The following C2orf81 variants were observed in gnomAD, a reference collection of about 807,000 sequenced individuals.
The protein encoded by C2orf81 is uncharacterized protein C2orf81.
Under a neutral mutation model 7.9 loss-of-function variants are expected in C2orf81, and 5 were observed. The observed-to-expected ratio is 0.63, with a 90% CI of 0.33 to 1.33. The LOEUF (loss-of-function observed/expected upper bound fraction) is 1.33, where lower values mean the gene tolerates loss of function less well. Ranked by LOEUF, C2orf81 falls within the 40% of genes most tolerant of loss-of-function variation. The pLI, the probability that C2orf81 is intolerant of heterozygous loss-of-function variation, is 0.05. For synonymous variants in C2orf81, 346 were observed against 367.4 expected (o/e 0.94, Z 0.66); for missense variants, 781 against 830.4 (o/e 0.94, Z 0.73).
chr2:74,418,307 T>C (rs571748592), intron 1 of C2orf81: 1 of 1,607,692 alleles, frequency 6.2e-7, no homozygotes, highest in Admixed American at 1.7e-5. Context: ...CTGAGCTCCT[T>C]CTGACTCCCT....
Position 74,414,421 on chromosome 2 carries a change from A to C in C2orf81, c.1756T>G (p.Ser586Ala), listed in dbSNP as rs1676378460. Residue 586 changes from serine to alanine, a missense_variant, in exon 3 of 3, where the codon TCT (serine) becomes GCT (alanine). Transcript: ENST00000684111. This position sits in a 1 kb window ranked among gnomAD's most constrained non-coding sequence, Gnocchi z 5.3. Reference protein sequence around the residue: ...WNRSTQVLLSSGVPEQEDKEG... With the variant: ...WNRSTQVLLSAGVPEQEDKEG... ...TTGTCCTCTTGTTCAGGCACACCAGAGCTGAGCAACACCTGGGTGCTCCGG... is the reference window on the plus strand; with the variant it reads ...TTGTCCTCTTGTTCAGGCACACCAGCGCTGAGCAACACCTGGGTGCTCCGG... 1 of 1,550,354 alleles carries C rather than the reference A, an allele frequency of 6.5e-7. No individual in the cohort carries two copies.
At position 74,414,943 on chromosome 2, in the gene C2orf81, C is replaced by A; in HGVS notation, c.1234G>T (p.Glu412Ter). The A allele has an allele frequency of 6.5e-7, 1 of 1,545,844 alleles. No homozygotes were observed. The change falls in exon 3 of 3, where the codon GAG (glutamate) becomes TAG (stop). Residue 412 changes from glutamate to a stop codon, truncating the protein, a stop_gained. Transcript: ENST00000684111. LOFTEE classifies it low-confidence loss of function (END_TRUNC). This position sits in a 1 kb window ranked among gnomAD's most constrained non-coding sequence, Gnocchi z 5.3. ...LEAYRGRQRG[E>*]KTKARAEPQA... ...GGTTCGGCCCGGGCCTTGGTCTTCT[C>A]GCCCCGCTGGCGTCCGCGGTAGGCT...
Position 74,414,621 on chromosome 2 carries a change from G to A in C2orf81, c.1556C>T (p.Ala519Val), listed in dbSNP as rs990634838. ...CTGTGGAGGCACGCGGGTCCGGCCA[G>A]CCCACAGCTCGCCCAGCAGCTCGGC... The part of the protein sequence containing the change: ...GKAELLGELW[A>V]GRTRVPPQGL... The change falls in exon 3 of 3, where the codon GCT becomes GTT. Residue 519 changes from alanine (A) to valine (V), a missense_variant. Ala to Val is a moderately conservative substitution (Grantham distance 64). Coordinates refer to ENST00000684111, the MANE Select transcript of C2orf81 (RefSeq NM_001316764.3). This position sits in a 1 kb window ranked among gnomAD's most constrained non-coding sequence, Gnocchi z 5.3. 6.5e-7 allele frequency: 1 copy of A among 1,550,012 alleles called. No individual in the cohort carries two copies. The highest frequency in any genetic ancestry group is 1.2e-5 in the South Asian group (1 of 83,876).
In C2orf81 at chr2:74,415,703, G is replaced by T; in HGVS notation, c.474C>A (p.His158Gln). Reference sequence around the variant, plus strand: ...AGGAGTCCGGAGAGGCTCCTGAGGAGTGTACTTCGCCTTGGAAGTTCTCCA... The same window carrying T: ...AGGAGTCCGGAGAGGCTCCTGAGGATTGTACTTCGCCTTGGAAGTTCTCCA... The part of the protein sequence containing the change: ...EGLENFQGEV[H>Q]SSGASPDSSA... Residue 158 changes from histidine (H) to glutamine (Q), a missense_variant, in exon 3 of 3, where the codon CAC becomes CAA. By Grantham distance (24) the His-to-Gln change is conservative (BLOSUM62 0). Coordinates refer to ENST00000684111, the MANE Select transcript of C2orf81 (RefSeq NM_001316764.3). This position sits in a 1 kb window ranked among gnomAD's most constrained non-coding sequence, Gnocchi z 5.5. The T allele has an allele frequency of 6.4e-7, 1 of 1,551,584 alleles. No individual in the cohort carries two copies. Among genetic ancestry groups the T allele is most frequent in the Non-Finnish European group, 8.7e-7 (1 of 1,147,004 alleles).
chr2:74,416,081 A>G lies in C2orf81; in HGVS notation c.179T>C (p.Val60Ala), dbSNP rs1349183462. 1.9e-6 allele frequency: 3 copies of G among 1,547,308 alleles called. No individual in the cohort carries two copies. Among genetic ancestry groups the G allele is most frequent in the Non-Finnish European group, 2.6e-6 (3 of 1,145,028 alleles). The change falls in exon 2 of 3, where the codon GTA (valine) becomes GCA (alanine). Residue 60 changes from valine (V) to alanine (A), a missense_variant. Val to Ala is a moderately conservative substitution (Grantham distance 64, BLOSUM62 0). Transcript: ENST00000684111. ...LTALEEGEDV[V>A]GDILADLLAR... ...CAGCAAGTCGGCCAAGATGTCCCCT[A>G]CGACGTCCTCGCCCTCCTCGAGGGC...
In C2orf81 at chr2:74,414,400, C is replaced by T. The variant is rs1467193805; in HGVS notation, c.1777G>A (p.Asp593Asn). Residue 593 changes from aspartate (D) to asparagine (N), a missense_variant, in exon 3 of 3, where the codon GAC becomes AAC. Transcript: ENST00000684111. This position sits in a 1 kb window ranked among gnomAD's most constrained non-coding sequence, Gnocchi z 5.3. Reference sequence around the variant, plus strand: ...GGAGGAAAGGTGCTACCTTCTTTGTCCTCTTGTTCAGGCACACCAGAGCTG... The same window carrying T: ...GGAGGAAAGGTGCTACCTTCTTTGTTCTCTTGTTCAGGCACACCAGAGCTG... ...LLSSGVPEQE[D>N]KEGSTFPPVE... 2 of 1,543,026 alleles carry T rather than the reference C, an allele frequency of 1.3e-6. No individual in the cohort carries two copies. The highest frequency in any genetic ancestry group is 8.8e-7 in the Non-Finnish European group (1 of 1,141,568).
chr2:74,416,348 A>G, intron 1 of C2orf81, 107 bp from the exon 2 acceptor site: 1 of 712,986 alleles, frequency 1.4e-6, no homozygotes, highest in Non-Finnish European at 2.0e-6. Flanking sequence ...GGGAAGGAAA[A>G]GGGCCAATTG....
chr2:74,416,316 AAGC>A, intron 1 of C2orf81, 75 bp from the exon 2 acceptor site: 2 of 1,079,214 alleles, frequency 1.9e-6, no homozygotes, highest in Non-Finnish European at 2.4e-6. Flanking sequence ...GGCTAGGAGG[AAGC>A]TTTCTCAAGT....
At position 74,415,064 on chromosome 2, in the gene C2orf81, C is replaced by CG. The variant is rs1285951625; in HGVS notation, c.1112dup (p.Ala372GlyfsTer20). The CG allele has an allele frequency of 1.1e-5, 17 of 1,547,984 alleles. No homozygotes were observed. Among genetic ancestry groups the CG allele is most frequent in the Non-Finnish European group, 1.5e-5 (17 of 1,145,662 alleles). ...TCGCAGGGTCCAGGCGTTTCACGGC[C>CG]GCCTTGCGGCGCATCCTGTGGTGGT... On this transcript the variant is annotated frameshift_variant, in exon 3 of 3. Coordinates refer to ENST00000684111, the MANE Select transcript of C2orf81 (RefSeq NM_001316764.3). LOFTEE classifies it low-confidence loss of function (END_TRUNC). The surrounding 1 kb of genome is among the most constrained non-coding windows in gnomAD (Gnocchi z 5.5).
At position 74,414,275 on chromosome 2, in the gene C2orf81, T is replaced by C; in HGVS notation, c.*54A>G. ...AGGGATCAGAGGGAGGCAGCAGGCT[T>C]AGAGGAGCGTGACCACACTTTGGGG... On this transcript the variant is annotated 3_prime_UTR_variant, in exon 3 of 3. Coordinates refer to ENST00000684111, the MANE Select transcript of C2orf81 (RefSeq NM_001316764.3). The surrounding 1 kb of genome is among the most constrained non-coding windows in gnomAD (Gnocchi z 5.3). 3.5e-6 allele frequency: 5 copies of C among 1,421,028 alleles called. No homozygotes were observed. The highest frequency in any genetic ancestry group is 4.6e-6 in the Non-Finnish European group (5 of 1,080,306). The allele number at this position is 1,421,028 out of a possible 1,614,324, so 88.0% of individuals were successfully genotyped here.
chr2:74,419,841 G>A (rs1024312919), intron 1 of C2orf81, among the ~76,000 whole-genome samples: 4 of 152,050 alleles, frequency 2.6e-5, no homozygotes, highest in Non-Finnish European at 4.4e-5. Context: ...GCAAGATCTC[G>A]GCTCACTGCA....
At chr2:74,421,466 G>T in intron 1 of C2orf81, 77 bp downstream of exon 1, 1 of 324,904 alleles carries the variant, frequency 3.1e-6, no homozygotes, top group Non-Finnish European at 5.6e-6. Context: ...GCGGCCCAGA[G>T]CCAGCCCACT....
intron 1 of C2orf81, among the ~76,000 whole-genome samples, chr2:74,419,439 T>A (rs1676543958): frequency 6.6e-6 from 1 of 152,228 alleles, no homozygotes. Flanking sequence ...AAATATAGTA[T>A]TGACATTCTG....
At position 74,415,205 on chromosome 2, in the gene C2orf81, C is replaced by T; in HGVS notation, c.972G>A (p.Val324=). ...GDRLELRSEG[V]PCIASGVLVS... Reference sequence around the variant, plus strand: ...CCAACACGCCCGAGGCGATGCAGGGCACCCCCTCTGACCTGAGTTCCAGCC... The same window carrying T: ...CCAACACGCCCGAGGCGATGCAGGGTACCCCCTCTGACCTGAGTTCCAGCC... Residue 324 remains valine (V), a synonymous_variant, in exon 3 of 3, where the codon GTG becomes GTA. Transcript: ENST00000684111. The surrounding 1 kb of genome is among the most constrained non-coding windows in gnomAD (Gnocchi z 5.5). 1.9e-6 allele frequency: 3 copies of T among 1,549,966 alleles called. No individual in the cohort carries two copies. Among genetic ancestry groups the T allele is most frequent in the Middle Eastern group, 1.7e-4 (1 of 5,986 alleles).
chr2:74,420,861 A>G (rs1573218322), intron 1 of C2orf81, among the ~76,000 whole-genome samples: 2 of 132,568 alleles, frequency 1.5e-5, no homozygotes, highest in South Asian at 2.5e-4. Flanking sequence ...GCTCACTGCA[A>G]CCTCCGCCTC....
chr2:74,418,564 G>T, intron 1 of C2orf81: 1 of 708,238 alleles, frequency 1.4e-6, no homozygotes, highest in South Asian at 1.6e-5. Context: ...GGACAGGCCA[G>T]TCTCCACCGC....
intron 1 of C2orf81, chr2:74,418,643 G>C (rs1416772898): frequency 5.2e-6 from 3 of 578,556 alleles, no homozygotes; most frequent in Admixed American, 3.0e-5. Flanking sequence ...GCCCAGGCTC[G>C]GAGTCCCACT....
At position 74,415,988 on chromosome 2, in the gene C2orf81, G is replaced by A; in HGVS notation, c.249+23C>T. The stretch of plus-strand genomic sequence containing the variant: ...AGGGGCGGGAGAGGGAGACGAGTCT[G>A]AAGGACCCGGATCCCGGCCCACCTG... On this transcript the variant is annotated intron_variant, in intron 2 of 2. Transcript: ENST00000684111. The surrounding 1 kb of genome is among the most constrained non-coding windows in gnomAD (Gnocchi z 5.5). The A allele has an allele frequency of 6.5e-7, 1 of 1,549,498 alleles. No individual in the cohort carries two copies. Among genetic ancestry groups the A allele is most frequent in the Non-Finnish European group, 8.7e-7 (1 of 1,146,212 alleles).
chr2:74,414,866 G>T lies in C2orf81; in HGVS notation c.1311C>A (p.Leu437=). The T allele has an allele frequency of 2.6e-6, 4 of 1,550,476 alleles. No individual in the cohort carries two copies. Among genetic ancestry groups the T allele is most frequent in the Non-Finnish European group, 3.5e-6 (4 of 1,146,224 alleles). Residue 437 remains leucine, a synonymous_variant, in exon 3 of 3, where the codon CTC becomes CTA. Transcript: ENST00000684111. The surrounding 1 kb of genome is among the most constrained non-coding windows in gnomAD (Gnocchi z 5.3). ...AGTCACGGAAAGGAATGCCTGGCCG[G>T]AGAGGGAAGAACGCTGCCGGGGAGA... ...TRVSPAAFFP[L]RPGIPFRDLD... is the part of the protein sequence containing the mutation.
Sources: gnomAD v4.1 joint callset for allele counts (sites outside exome capture counted in the v4.1 genomes callset) on GRCh38, gnomAD v4.1.1 for gene constraint, Gnocchi (gnomAD v3.1) non-coding constraint, MANE v1.5 for transcripts, NCBI Gene and HGNC (gene_info 2026-07-23, HGNC 2026-07-21) for gene names.